Variants in NUDT1 observed in about 807,000 individuals in gnomAD.
NUDT1 encodes nudix hydrolase 1.
Under a neutral mutation model 11.3 loss-of-function variants are expected in NUDT1, and 16 were observed. That is an observed-to-expected ratio of 1.41 (90% CI 0.96 to 2.15). The LOEUF (loss-of-function observed/expected upper bound fraction) is 2.15. Among genes scored for constraint, NUDT1 ranks in the 30% most tolerant of loss-of-function variants. The pLI, the probability that NUDT1 is intolerant of heterozygous loss-of-function variation, is 0.00. For synonymous variants in NUDT1, 101 were observed against 84.4 expected (o/e 1.20, Z -1.08); for missense variants, 234 against 208.4 (o/e 1.12, Z -0.76).
intron 2 of NUDT1, among the ~76,000 whole-genome samples, chr7:2,245,175 C>G (rs1407564832): frequency 6.6e-6 from 1 of 152,202 alleles, no homozygotes; most frequent in African/African-American, 2.4e-5. Context: ...TCACTGCATC[C>G]TCAACACAGC....
intron 1 of NUDT1, chr7:2,242,832 G>A (rs1794602877): frequency 1.5e-6 from 1 of 660,768 alleles, no homozygotes; most frequent in Non-Finnish European, 2.8e-6. Flanking sequence ...GTTAGAGGGT[G>A]CTCTTTCAGT....
At chr7:2,248,495 C>A (rs1794855290) in intron 2 of NUDT1, among the ~76,000 whole-genome samples, 1 of 151,396 alleles carries the variant, frequency 6.6e-6, no homozygotes, top group Admixed American at 6.6e-5. Context: ...ATGTCATGCA[C>A]TCCTCCTTTC....
At position 2,251,058 on chromosome 7, in the gene NUDT1, A is replaced by C. The variant is rs1730572200; in HGVS notation, c.*57A>C. ...CGTGGCTGCTGAACAGCCGCAAACC[A>C]TCTTCACCTGGGGGCATTGAGTGGC... is the stretch of plus-strand genomic sequence containing the variant. On this transcript the variant is annotated 3_prime_UTR_variant, in exon 4 of 4. Coordinates refer to ENST00000356714, the MANE Select transcript of NUDT1 (RefSeq NM_002452.4). 1 of 1,569,456 alleles carries C rather than the reference A, an allele frequency of 6.4e-7. No individual in the cohort carries two copies. The highest frequency in any genetic ancestry group is 8.8e-7 in the Non-Finnish European group (1 of 1,142,114).
Position 2,250,867 on chromosome 7 carries a change from T to G in NUDT1, c.337T>G (p.Phe113Val). Reference sequence around the variant, plus strand: ...CTGGTTCCAGCTGGATCAGATCCCCTTCAAGGACATGTGGCCCGACGACAG... The same window carrying G: ...CTGGTTCCAGCTGGATCAGATCCCCGTCAAGGACATGTGGCCCGACGACAG... ...PCWFQLDQIP[F>V]KDMWPDDSYW... is the part of the protein sequence containing the mutation. Residue 113 changes from phenylalanine to valine, a missense_variant, in exon 4 of 4, where the codon TTC (phenylalanine) becomes GTC (valine). Physicochemically the swap from Phe to Val is conservative, Grantham distance 50. Coordinates refer to ENST00000356714, the MANE Select transcript of NUDT1 (RefSeq NM_002452.4). The G allele has an allele frequency of 6.2e-7, 1 of 1,614,180 alleles. No homozygotes were observed.
chr7:2,250,982 G>A lies in NUDT1; in HGVS notation c.452G>A (p.Arg151His), dbSNP rs114380492. ...GQDTILDYTLREVDTV is the reference protein window; with the variant it reads ...GQDTILDYTLHEVDTV ...GACACCATCCTGGACTACACACTCC[G>A]CGAGGTGGACACGGTCTAGCGGGAG... Residue 151 changes from arginine to histidine, a missense_variant, in exon 4 of 4, where the codon CGC becomes CAC. Physicochemically the swap from Arg to His is conservative, Grantham distance 29. Coordinates refer to ENST00000356714, the MANE Select transcript of NUDT1 (RefSeq NM_002452.4). 1.4e-4 allele frequency: 232 copies of A among 1,613,918 alleles called. No homozygotes were observed. The African/African-American group carries it at 2.3e-3, about 16-fold the overall frequency.
chr7:2,251,140 G>T lies in NUDT1; in HGVS notation c.*139G>T. 1.2e-6 allele frequency: 1 copy of T among 810,454 alleles called. No homozygotes were observed. Among genetic ancestry groups the T allele is most frequent in the Non-Finnish European group, 1.9e-6 (1 of 518,318 alleles). The allele number at this position is 810,454 out of a possible 1,614,324, so 50.2% of individuals were successfully genotyped here. Reference sequence around the variant, plus strand: ...ATGGAAGGGAAAATAAAGCTATCTAGCGGTGGTTTTTTTTTTTTTTTTTTG... The same window carrying T: ...ATGGAAGGGAAAATAAAGCTATCTATCGGTGGTTTTTTTTTTTTTTTTTTG... On this transcript the variant is annotated 3_prime_UTR_variant, in exon 4 of 4. Transcript: ENST00000356714.
intron 2 of NUDT1, among the ~76,000 whole-genome samples, chr7:2,249,019 A>G (rs34412874): frequency 0.013 from 1,928 of 152,332 alleles, 23 homozygotes; most frequent in South Asian, 0.038. Flanking sequence ...TATAACAAAT[A>G]TGTAATTTTT....
chr7:2,248,932 G>A (rs891020898), intron 2 of NUDT1, among the ~76,000 whole-genome samples: 3 of 152,234 alleles, frequency 2.0e-5, no homozygotes, highest in African/African-American at 7.2e-5. Flanking sequence ...AAACAGAGGA[G>A]AAAGAGCCAA....
intron 2 of NUDT1, among the ~76,000 whole-genome samples, chr7:2,245,383 A>T (rs1384834203): frequency 6.6e-6 from 1 of 152,152 alleles, no homozygotes; most frequent in Non-Finnish European, 1.5e-5. Flanking sequence ...AGAACTACAG[A>T]GTAAAGAGGG....
chr7:2,247,558 C>G (rs867042213), intron 2 of NUDT1, among the ~76,000 whole-genome samples: 2 of 152,222 alleles, frequency 1.3e-5, no homozygotes, highest in Non-Finnish European at 2.9e-5. Context: ...CCGGAACCTC[C>G]GACTCCCACC....
rs533315850 is a variant in NUDT1 at position 2,249,447 on chromosome 7, G to A, written c.153-410G>A. 104 of 264,522 alleles carry A rather than the reference G, an allele frequency of 3.9e-4. 1 individual carries two copies. The highest frequency in any genetic ancestry group is 1.4e-3 in the African/African-American group (65 of 45,046). The allele number at this position is 264,522 out of a possible 1,614,324, so 16.4% of individuals were successfully genotyped here. On this transcript the variant is annotated intron_variant, in intron 2 of 3. Coordinates refer to ENST00000356714, the MANE Select transcript of NUDT1 (RefSeq NM_002452.4). ...TGCATGGGCTCTGATGCTCAGCCGC[G>A]GAAAAGCAAGTAACCGGGAATGAAG...
chr7:2,247,549 C>T (rs929966824), intron 2 of NUDT1, among the ~76,000 whole-genome samples: 1 of 152,210 alleles, frequency 6.6e-6, no homozygotes, highest in African/African-American at 2.4e-5. Flanking sequence ...GCAGGCCCGC[C>T]GGAACCTCCG....
intron 1 of NUDT1, chr7:2,242,980 G>C (rs754955291): frequency 2.8e-6 from 2 of 716,606 alleles, no homozygotes; most frequent in Admixed American, 2.0e-5. Context: ...TGGAGAGTGA[G>C]TGCAAGGTTT....
chr7:2,251,075 T>A lies in NUDT1; in HGVS notation c.*74T>A, dbSNP rs190390196. On this transcript the variant is annotated 3_prime_UTR_variant, in exon 4 of 4. Transcript: ENST00000356714. The stretch of plus-strand genomic sequence containing the variant: ...CGCAAACCATCTTCACCTGGGGGCA[T>A]TGAGTGGCGCAGAGCCGGGTTTCAT... 6.7e-7 allele frequency: 1 copy of A among 1,481,530 alleles called. No individual in the cohort carries two copies. The highest frequency in any genetic ancestry group is 9.4e-7 in the Non-Finnish European group (1 of 1,064,048). 91.8% of individuals were successfully genotyped at this position (1,481,530 alleles called of 1,614,324 possible).
At chr7:2,250,802 G>C in intron 3 of NUDT1, 27 bp from the exon 4 acceptor site, 3 of 1,613,920 alleles carry the variant, frequency 1.9e-6, no homozygotes, top group Non-Finnish European at 2.5e-6. Context: ...TTGCACCTCA[G>C]TGCCTCCTCT....
intron 1 of NUDT1, chr7:2,242,463 G>T: frequency 2.0e-6 from 1 of 492,352 alleles, no homozygotes; most frequent in Non-Finnish European, 3.6e-6. Context: ...GACAAGGAGA[G>T]CGGGGCGGAG....
intron 2 of NUDT1, among the ~76,000 whole-genome samples, chr7:2,246,582 AG>A (rs1315656524): frequency 2.6e-5 from 4 of 152,246 alleles, no homozygotes. Context: ...AGCAAAGCAC[AG>A]GCCCCCTCGG....
intron 1 of NUDT1, 110 bp downstream of exon 1, chr7:2,242,366 C>T (rs1378610381): frequency 9.8e-6 from 5 of 512,734 alleles, no homozygotes; most frequent in Non-Finnish European, 1.7e-5. Context: ...TGGGGGAGAG[C>T]GGGGCCGGGA....
At chr7:2,243,677 G>A (rs1468208546) in intron 1 of NUDT1, among the ~76,000 whole-genome samples, 1 of 152,256 alleles carries the variant, frequency 6.6e-6, no homozygotes, top group East Asian at 1.9e-4. Context: ...GGATGCTGAG[G>A]CAGGAGGATG....
Sources: allele counts gnomAD v4.1 joint callset (sites outside exome capture counted in the v4.1 genomes callset), GRCh38; gene constraint gnomAD v4.1.1; transcripts MANE v1.5; gene names NCBI Gene and HGNC (gene_info 2026-07-23, HGNC 2026-07-21).